TNFSF4: variants seen among roughly 807,000 people sequenced by gnomAD.
TNFSF4 encodes TNF superfamily member 4, also known as tumor necrosis factor ligand superfamily member 4.
A neutral mutation model predicts 7.3 loss-of-function variants in TNFSF4; 4 were observed. The observed-to-expected ratio is 0.55, with a 90% CI of 0.27 to 1.25. The LOEUF (loss-of-function observed/expected upper bound fraction) is 1.25. TNFSF4 is among the 50% of genes most tolerant of loss of function. TNFSF4 has a pLI of 0.12. For missense variants in TNFSF4, 181 were observed against 208.8 expected (o/e 0.87, Z 0.82); for synonymous variants, 76 against 83.7 (o/e 0.91, Z 0.50).
chr1:173,178,381 C>A, the TNFSF4 span, among the ~76,000 whole-genome samples: 1 of 152,032 alleles, frequency 6.6e-6, no homozygotes, highest in African/African-American at 2.4e-5. Context: ...CCAGGCTGTC[C>A]TGGCTAAACG....
At position 173,206,360 on chromosome 1, in the gene TNFSF4, A is replaced by G. The variant is rs80242333; in HGVS notation, c.153+664T>C. On this transcript the variant is annotated intron_variant, in intron 1 of 2. Transcript: ENST00000281834. Reference sequence around the variant, plus strand: ...AGAAAAATGGAAATATTTTAACTATATGGGGAAAATACTAGAAGGATAATC... The same window carrying G: ...AGAAAAATGGAAATATTTTAACTATGTGGGGAAAATACTAGAAGGATAATC... 3.8e-4 allele frequency among the ~76,000 whole-genome samples: 58 copies of G among 152,334 alleles called. No homozygotes were observed. In the East Asian group the frequency reaches 8.7e-3, roughly 23 times the overall value.
chr1:173,387,461 C>G, the TNFSF4 span, among the ~76,000 whole-genome samples: 3 of 152,150 alleles, frequency 2.0e-5, no homozygotes, highest in Admixed American at 1.3e-4. Context: ...ACTTCCCAAC[C>G]TCCAGAACCG....
At chr1:173,361,569 A>G in the TNFSF4 span, among the ~76,000 whole-genome samples, 1 of 152,214 alleles carries the variant, frequency 6.6e-6, no homozygotes, top group Admixed American at 6.5e-5. Context: ...ACTGCACTCT[A>G]GCCTGGGTGA....
At chr1:173,301,426 T>C in the TNFSF4 span, among the ~76,000 whole-genome samples, 1 of 151,880 alleles carries the variant, frequency 6.6e-6, no homozygotes, top group Admixed American at 6.6e-5. Flanking sequence ...ATTCTTTGGG[T>C]TGTTGTGAAG....
the TNFSF4 span, among the ~76,000 whole-genome samples, chr1:173,228,365 G>A: frequency 5.3e-5 from 8 of 152,212 alleles, no homozygotes; most frequent in African/African-American, 1.9e-4. Context: ...GCAGCTGAGG[G>A]TCCTGACTGT....
chr1:173,235,650 A>G, the TNFSF4 span, among the ~76,000 whole-genome samples: 1 of 152,222 alleles, frequency 6.6e-6, no homozygotes, highest in Non-Finnish European at 1.5e-5. Flanking sequence ...GATAAGCTCA[A>G]TGTGCACAAT....
chr1:173,362,607 A>G, the TNFSF4 span: 1 of 502,436 alleles, frequency 2.0e-6, no homozygotes, highest in Non-Finnish European at 4.0e-6. Context: ...ACTCCTGGGT[A>G]AGTTTTGCAT....
the TNFSF4 span, among the ~76,000 whole-genome samples, chr1:173,234,059 G>A: frequency 6.6e-6 from 1 of 152,274 alleles, no homozygotes; most frequent in Admixed American, 6.5e-5. Flanking sequence ...CTGACAAAGG[G>A]CTAATATCCA....
the TNFSF4 span, among the ~76,000 whole-genome samples, chr1:173,359,452 T>TAA: frequency 5.5e-3 from 270 of 48,882 alleles, no homozygotes; most frequent in African/African-American, 0.015. Context: ...GTTTTATATT[T>TAA]AAAAAAAAAA....
chr1:173,342,968 G>A, the TNFSF4 span, among the ~76,000 whole-genome samples: 1 of 152,198 alleles, frequency 6.6e-6, no homozygotes, highest in Non-Finnish European at 1.5e-5. Context: ...CACTCAGCAA[G>A]AGTCTAAGGA....
chr1:173,408,459 C>T, the TNFSF4 span, among the ~76,000 whole-genome samples: 1 of 151,978 alleles, frequency 6.6e-6, no homozygotes, highest in Non-Finnish European at 1.5e-5. Context: ...TAGTAGAATG[C>T]CAACTAATTA....
At chr1:173,217,693 G>A in the TNFSF4 span, among the ~76,000 whole-genome samples, 3 of 152,064 alleles carry the variant, frequency 2.0e-5, no homozygotes, top group African/African-American at 7.2e-5. Context: ...ATCTATTATG[G>A]TAAATAAAAC....
the TNFSF4 span, among the ~76,000 whole-genome samples, chr1:173,355,150 T>A: frequency 6.6e-6 from 1 of 152,192 alleles, no homozygotes; most frequent in Non-Finnish European, 1.5e-5. Context: ...TCTGCTTTTG[T>A]CATCACATAA....
the TNFSF4 span, among the ~76,000 whole-genome samples, chr1:173,226,995 T>C: frequency 1.7e-4 from 26 of 152,294 alleles, no homozygotes; most frequent in African/African-American, 6.3e-4. Context: ...TTGTGAGAAC[T>C]TTTGCTTCCC....
chr1:173,450,119 A>C, the TNFSF4 span, among the ~76,000 whole-genome samples: 4 of 152,196 alleles, frequency 2.6e-5, no homozygotes, highest in African/African-American at 9.6e-5. Flanking sequence ...ACAGACCTTA[A>C]GAGGATAACA....
the TNFSF4 span, among the ~76,000 whole-genome samples, chr1:173,338,687 T>C: frequency 6.6e-6 from 1 of 152,314 alleles, no homozygotes; most frequent in Admixed American, 6.5e-5. Flanking sequence ...CCACTCACTA[T>C]CACTGTCAGT....
the TNFSF4 span, among the ~76,000 whole-genome samples, chr1:173,262,135 A>G: frequency 4.0e-3 from 608 of 152,308 alleles, 5 homozygotes; most frequent in African/African-American, 0.014. Context: ...ATCGACCACA[A>G]TCAAGCCAGC....
the TNFSF4 span, among the ~76,000 whole-genome samples, chr1:173,382,257 A>C: frequency 6.6e-6 from 1 of 152,124 alleles, no homozygotes; most frequent in African/African-American, 2.4e-5. Context: ...CTCACTGCAA[A>C]GGTCTGTGGC....
the TNFSF4 span, among the ~76,000 whole-genome samples, chr1:173,382,902 ACACACAC>A: frequency 1.4e-3 from 216 of 151,862 alleles, 1 homozygote; most frequent in African/African-American, 4.4e-3. Context: ...ACACACACAC[ACACACAC>A]AAAGGTGCGT....
Sources: allele counts gnomAD v4.1 joint callset (sites outside exome capture counted in the v4.1 genomes callset), GRCh38; gene constraint gnomAD v4.1.1; transcripts MANE v1.5; gene names NCBI Gene and HGNC (gene_info 2026-07-23, HGNC 2026-07-21).